SMARCAL1: variants seen among roughly 807,000 people sequenced by gnomAD.
The protein encoded by SMARCAL1 is SNF2 related chromatin remodeling annealing helicase 1, also known as ATP-driven annealing helicase.
A neutral mutation model predicts 94.5 loss-of-function variants in SMARCAL1; 58 were observed. The ratio of observed to expected loss-of-function variants is 0.61; its 90% CI spans 0.50 to 0.76. SMARCAL1 has a LOEUF of 0.76. Ranked by LOEUF, SMARCAL1 falls within the 30% of genes least tolerant of loss-of-function variation. The pLI, the probability that SMARCAL1 is intolerant of heterozygous loss-of-function variation, is 0.00. For synonymous variants in SMARCAL1, 422 were observed against 455.1 expected (o/e 0.93, Z 0.93); for missense variants, 1,051 against 1,177.9 (o/e 0.89, Z 1.58).
intron 14 of SMARCAL1, 76 bp downstream of exon 14, chr2:216,468,122 C>A: frequency 2.0e-6 from 2 of 991,624 alleles, no homozygotes; most frequent in Non-Finnish European, 3.2e-6. Flanking sequence ...TAGGTCAGAT[C>A]CAAGCAAAGT....
intron 5 of SMARCAL1, among the ~76,000 whole-genome samples, chr2:216,420,888 A>G (rs774278483): frequency 3.9e-5 from 6 of 152,204 alleles, no homozygotes; most frequent in African/African-American, 7.2e-5. Flanking sequence ...ATGCTTTTCC[A>G]TATGCAAACT....
intron 10 of SMARCAL1, among the ~76,000 whole-genome samples, chr2:216,439,230 A>G (rs921997929): frequency 3.9e-5 from 6 of 151,940 alleles, no homozygotes; most frequent in African/African-American, 1.2e-4. Context: ...GATGTGCAAT[A>G]TAGGCTCTGT....
chr2:216,437,762 A>G, intron 9 of SMARCAL1, among the ~76,000 whole-genome samples: 1 of 117,380 alleles, frequency 8.5e-6, no homozygotes, highest in East Asian at 2.0e-4. Context: ...AACAAAAAGA[A>G]AAAAAGAATA....
Position 216,425,678 on chromosome 2 carries a change from G to A in SMARCAL1, c.1147+1995G>A, listed in dbSNP as rs376313680. Among the ~76,000 whole-genome samples the A allele has an allele frequency of 8.5e-5, 13 of 152,318 alleles. No individual in the cohort carries two copies. The South Asian group carries it at 2.7e-3, about 32-fold the overall frequency. On this transcript the variant is annotated intron_variant, in intron 6 of 17. Coordinates refer to ENST00000357276, the MANE Select transcript of SMARCAL1 (RefSeq NM_014140.4). The stretch of plus-strand genomic sequence containing the variant: ...TGGAGAGTGAGCAAGGCAGAGAAGG[G>A]TTTTATTGAGCAACAGAACAGCTCT...
chr2:216,460,587 C>CA (rs1447602584), intron 12 of SMARCAL1, among the ~76,000 whole-genome samples: 4 of 133,744 alleles, frequency 3.0e-5, no homozygotes, highest in Admixed American at 7.8e-5. Flanking sequence ...ATCGCAAGGA[C>CA]AAAAAACCAA....
chr2:216,470,489 A>G (rs1267854362), intron 14 of SMARCAL1, among the ~76,000 whole-genome samples: 1 of 144,776 alleles, frequency 6.9e-6, no homozygotes, highest in African/African-American at 2.6e-5. Flanking sequence ...CTCCAACTAG[A>G]TCTTTTTTTT....
intron 10 of SMARCAL1, among the ~76,000 whole-genome samples, chr2:216,440,399 G>A (rs914685364): frequency 6.6e-6 from 1 of 152,212 alleles, no homozygotes; most frequent in Admixed American, 6.5e-5. Context: ...TCTGAAATGT[G>A]TGCCTCTCAG....
At chr2:216,451,330 G>C (rs1472095414) in intron 12 of SMARCAL1, 4 of 478,972 alleles carry the variant, frequency 8.4e-6, no homozygotes, top group Non-Finnish European at 1.2e-5. Flanking sequence ...CAGCAGGGTG[G>C]TGATCAATAT....
intron 14 of SMARCAL1, among the ~76,000 whole-genome samples, chr2:216,468,777 G>T (rs1486356459): frequency 6.6e-6 from 1 of 152,092 alleles, no homozygotes; most frequent in Non-Finnish European, 1.5e-5. Flanking sequence ...CTGGAGTGCA[G>T]TGGCAGGATC....
intron 3 of SMARCAL1, 121 bp downstream of exon 3, chr2:216,415,636 TTAAA>T: frequency 2.1e-6 from 2 of 969,174 alleles, no homozygotes; most frequent in Non-Finnish European, 3.1e-6. Context: ...CATCCAGTTG[TTAAA>T]AATTTTTCAA....
intron 7 of SMARCAL1, among the ~76,000 whole-genome samples, chr2:216,431,679 A>G (rs892107755): frequency 6.6e-6 from 1 of 152,230 alleles, no homozygotes. Flanking sequence ...AATCATGTGC[A>G]TGAAGGTGTA....
intron 14 of SMARCAL1, among the ~76,000 whole-genome samples, chr2:216,468,992 C>T (rs1156693013): frequency 6.6e-6 from 1 of 152,078 alleles, no homozygotes; most frequent in East Asian, 1.9e-4. Flanking sequence ...GGATTACAGG[C>T]ATGAGCCACC....
intron 10 of SMARCAL1, among the ~76,000 whole-genome samples, chr2:216,439,282 C>CCCATCCCAACAGAGGGTAGTCCT (rs1033790558): frequency 2.0e-5 from 3 of 151,924 alleles, no homozygotes; most frequent in African/African-American, 7.3e-5. Flanking sequence ...TTCTTAGTCC[C>CCCATCCCAACAGAGGGTAGTCCT]CCATCCCAAC....
At chr2:216,456,363 T>C (rs1208197999) in intron 12 of SMARCAL1, among the ~76,000 whole-genome samples, 1 of 152,076 alleles carries the variant, frequency 6.6e-6, no homozygotes, top group African/African-American at 2.4e-5. Flanking sequence ...AGATACTCCT[T>C]GAGAAGAGCA....
At chr2:216,423,509 G>T in intron 5 of SMARCAL1, 124 bp from the exon 6 acceptor site, 2 of 812,798 alleles carry the variant, frequency 2.5e-6, no homozygotes, top group South Asian at 1.4e-5. Context: ...CTAGGTACAG[G>T]ACCAGCTGCC....
intron 5 of SMARCAL1, among the ~76,000 whole-genome samples, chr2:216,423,105 A>T (rs1275836569): frequency 1.3e-5 from 2 of 152,208 alleles, no homozygotes; most frequent in African/African-American, 2.4e-5. Context: ...TGTTACAGTG[A>T]CTTGCCCAAG....
intron 7 of SMARCAL1, among the ~76,000 whole-genome samples, chr2:216,431,373 AT>A (rs1693960123): frequency 6.6e-6 from 1 of 152,224 alleles, no homozygotes; most frequent in South Asian, 2.1e-4. Flanking sequence ...TTTTTCAGAG[AT>A]TAGATGAAAG....
At chr2:216,459,827 T>A (rs1195299357) in intron 12 of SMARCAL1, among the ~76,000 whole-genome samples, 1 of 151,844 alleles carries the variant, frequency 6.6e-6, no homozygotes, top group African/African-American at 2.4e-5. Context: ...AAGCCAAAAT[T>A]GACAAATGGG....
intron 4 of SMARCAL1, among the ~76,000 whole-genome samples, chr2:216,416,955 C>T (rs1463659017): frequency 6.6e-6 from 1 of 152,242 alleles, no homozygotes; most frequent in Non-Finnish European, 1.5e-5. Context: ...AAGTTTTTGT[C>T]ACTTGATCCT....
Sources: allele counts gnomAD v4.1 joint callset (sites outside exome capture counted in the v4.1 genomes callset), GRCh38; gene constraint gnomAD v4.1.1; transcripts MANE v1.5; gene names NCBI Gene and HGNC (gene_info 2026-07-23, HGNC 2026-07-21).